The following RSRC1 variants were observed in gnomAD, a reference collection of about 807,000 sequenced individuals.
RSRC1 encodes serine/Arginine-related protein 53.
RSRC1 carries 39 observed loss-of-function variants against 49.1 expected under a neutral mutation model. The ratio of observed to expected loss-of-function variants is 0.79; its 90% CI spans 0.61 to 1.04. RSRC1 has a LOEUF of 1.04. RSRC1 is among the 50% of genes least tolerant of loss of function. The probability of loss-of-function intolerance (pLI) is 0.00; values close to 1 mark genes in which losing one functional copy is unlikely to be tolerated. For synonymous variants in RSRC1, 143 were observed against 130.8 expected (o/e 1.09, Z -0.63); for missense variants, 388 against 402.4 (o/e 0.96, Z 0.31).
chr3:158,245,004 G>GTTTTTTTTTTTTTTT (rs3052859), intron 4 of RSRC1, among the ~76,000 whole-genome samples: 3 of 128,938 alleles, frequency 2.3e-5, no homozygotes, highest in Non-Finnish European at 3.2e-5. Flanking sequence ...TTTTTCAAAG[G>GTTTTTTTTTTTTTTT]TTTTTTTTTT....
At chr3:158,386,070 G>A (rs960324066) in intron 6 of RSRC1, among the ~76,000 whole-genome samples, 29 of 152,080 alleles carry the variant, frequency 1.9e-4, no homozygotes, top group Middle Eastern at 3.4e-3. Flanking sequence ...GATGAAATGC[G>A]TTTATGTCCC....
intron 6 of RSRC1, among the ~76,000 whole-genome samples, chr3:158,428,684 C>T (rs963173113): frequency 6.6e-6 from 1 of 151,856 alleles, no homozygotes; most frequent in African/African-American, 2.4e-5. Context: ...CCTAGTCTGC[C>T]TCCCTGTGTG....
chr3:158,186,355 T>G (rs1216452410), intron 3 of RSRC1, among the ~76,000 whole-genome samples: 5 of 151,984 alleles, frequency 3.3e-5, no homozygotes, highest in African/African-American at 1.2e-4. Flanking sequence ...TGCAACTACT[T>G]TTATCCAATA....
intron 4 of RSRC1, among the ~76,000 whole-genome samples, chr3:158,213,578 A>G (rs1721802663): frequency 6.6e-6 from 1 of 151,962 alleles, no homozygotes; most frequent in Non-Finnish European, 1.5e-5. Context: ...GGGAAATACA[A>G]CAATGAGTAC....
intron 4 of RSRC1, among the ~76,000 whole-genome samples, chr3:158,234,597 A>AT (rs943515559): frequency 4.5e-5 from 6 of 134,710 alleles, no homozygotes; most frequent in African/African-American, 8.3e-5. Flanking sequence ...TCTTCCTCAT[A>AT]TTTTTTTTAA....
rs551452608 is a variant in RSRC1 at position 158,503,767 on chromosome 3, G to T, written c.653-33325G>T. ...CCAACAGCCCTGAGTCTGTTTCCAG[G>T]TGTTGGGCGAGCCAGGCTTGAGAAC... On this transcript the variant is annotated intron_variant, in intron 7 of 9. Coordinates refer to ENST00000611884, the MANE Select transcript of RSRC1 (RefSeq NM_001271838.2). 3.9e-5 allele frequency among the ~76,000 whole-genome samples: 6 copies of T among 152,230 alleles called. No homozygotes were observed. The East Asian group carries it at 1.2e-3, about 30-fold the overall frequency.
intron 5 of RSRC1, among the ~76,000 whole-genome samples, chr3:158,307,834 C>T (rs2140982): frequency 0.12 from 18,464 of 151,068 alleles, 1,390 homozygotes; most frequent in Middle Eastern, 0.2. Flanking sequence ...TAACAGATCT[C>T]CACATACTCA....
At chr3:158,140,262 A>G (rs573614836) in intron 3 of RSRC1, among the ~76,000 whole-genome samples, 1 of 152,336 alleles carries the variant, frequency 6.6e-6, no homozygotes, top group South Asian at 2.1e-4. Context: ...TAGATTTAAA[A>G]GTTTTATAGT....
chr3:158,522,132 G>A (rs1711711112), intron 7 of RSRC1, among the ~76,000 whole-genome samples: 1 of 151,832 alleles, frequency 6.6e-6, no homozygotes, highest in Admixed American at 6.6e-5. Context: ...TATTTTAATT[G>A]AAAAAATTAG....
In RSRC1 at chr3:158,283,881, C is replaced by CTT. The variant is rs11339826; in HGVS notation, c.495-14146_495-14145dup. On this transcript the variant is annotated intron_variant, in intron 4 of 9. Coordinates refer to ENST00000611884, the MANE Select transcript of RSRC1 (RefSeq NM_001271838.2). ...CAATGGAAACGTTATCATTTGTTTT[C>CTT]TTTTTTTTTTTTTACTATTATTATT... is the stretch of plus-strand genomic sequence containing the variant. Among the ~76,000 whole-genome samples, 1,112 of 147,972 alleles carry CTT rather than the reference C, an allele frequency of 7.5e-3. 17 individuals carry two copies. The highest frequency in any genetic ancestry group is 0.025 in the African/African-American group (1,025 of 40,282).
intron 9 of RSRC1, 92 bp downstream of exon 9, chr3:158,543,579 C>T (rs1451063057): frequency 7.7e-7 from 1 of 1,298,196 alleles, no homozygotes; most frequent in South Asian, 1.6e-5. Context: ...ACCAAGGAGA[C>T]CATTGGAGGA....
At chr3:158,361,059 C>T (rs1480884317) in intron 6 of RSRC1, among the ~76,000 whole-genome samples, 3 of 152,182 alleles carry the variant, frequency 2.0e-5, no homozygotes, top group Admixed American at 6.5e-5. Context: ...AGCTCCTCCT[C>T]ACCCATGTGG....
At chr3:158,463,640 A>G (rs1245546386) in intron 7 of RSRC1, among the ~76,000 whole-genome samples, 1 of 152,126 alleles carries the variant, frequency 6.6e-6, no homozygotes, top group African/African-American at 2.4e-5. Context: ...GTTATCTCAG[A>G]AAAGCTATTG....
chr3:158,260,799 C>G (rs1202250076), intron 4 of RSRC1, among the ~76,000 whole-genome samples: 2 of 152,120 alleles, frequency 1.3e-5, no homozygotes, highest in African/African-American at 4.8e-5. Flanking sequence ...CTGTCTGGGC[C>G]CTGGCTGAAT....
chr3:158,487,032 C>T (rs1484576266), intron 7 of RSRC1, among the ~76,000 whole-genome samples: 2 of 152,140 alleles, frequency 1.3e-5, no homozygotes, highest in African/African-American at 4.8e-5. Context: ...TAAAATATCT[C>T]GATTGCAAAC....
intron 5 of RSRC1, among the ~76,000 whole-genome samples, chr3:158,333,920 T>C (rs1729704883): frequency 6.6e-6 from 1 of 152,132 alleles, no homozygotes; most frequent in Admixed American, 6.5e-5. Flanking sequence ...GCACAGAGAA[T>C]GGGTGTCTTA....
rs373165559 is a variant in RSRC1, at chr3:158,284,914, A to G, written c.495-13125A>G. Reference sequence around the variant, plus strand: ...TTAGTTTAATTAAATCCCATTTGTCAATTTTGGCTTTTGTTGCCATTGCTT... The same window carrying G: ...TTAGTTTAATTAAATCCCATTTGTCGATTTTGGCTTTTGTTGCCATTGCTT... On this transcript the variant is annotated intron_variant, in intron 4 of 9. Coordinates refer to ENST00000611884, the MANE Select transcript of RSRC1 (RefSeq NM_001271838.2). 1.9e-4 allele frequency among the ~76,000 whole-genome samples: 29 copies of G among 151,802 alleles called. No homozygotes were observed. In the South Asian group the frequency reaches 6.1e-3, roughly 32 times the overall value.
chr3:158,535,155 C>A (rs1424673264), intron 7 of RSRC1, among the ~76,000 whole-genome samples: 3 of 151,306 alleles, frequency 2.0e-5, no homozygotes, highest in African/African-American at 7.3e-5. Flanking sequence ...AGAATTATTT[C>A]ATGACTTTAG....
At chr3:158,475,375 A>T (rs1406155702) in intron 7 of RSRC1, among the ~76,000 whole-genome samples, 1 of 152,198 alleles carries the variant, frequency 6.6e-6, no homozygotes, top group East Asian at 1.9e-4. Context: ...CAAACAAGTA[A>T]ATGCATACAG....
Sources: allele counts gnomAD v4.1 joint callset (sites outside exome capture counted in the v4.1 genomes callset), GRCh38; gene constraint gnomAD v4.1.1; transcripts MANE v1.5; gene names NCBI Gene and HGNC (gene_info 2026-07-23, HGNC 2026-07-21).